The following PLAC1 variants were observed in gnomAD, a reference collection of about 807,000 sequenced individuals.
The protein encoded by PLAC1 is placenta-specific protein 1.
For synonymous variants in PLAC1, 68 were observed against 62.1 expected (o/e 1.09, Z -0.44); for missense variants, 136 against 163.2 (o/e 0.83, Z 0.91).
chrX:134,735,974 A>AAAG (rs1469320569), intron 1 of PLAC1, among the ~76,000 whole-genome samples: 3 of 109,229 alleles, frequency 2.7e-5, no homozygotes, highest in Non-Finnish European at 3.8e-5. Context: ...AAAAAAAAAA[A>AAAG]AAGAAGAAGA....
rs183086942 is a variant in PLAC1 at position 134,667,917 on chromosome X, C to A, written n.174+65518G>T. Among the ~76,000 whole-genome samples the A allele has an allele frequency of 5.3e-3, 575 of 107,615 alleles. 3 individuals carry two copies. Among genetic ancestry groups the A allele is most frequent in the Non-Finnish European group, 7.1e-3 (370 of 52,034 alleles). The allele number at this position is 107,615 out of a possible 115,157, so 93.5% of individuals were successfully genotyped here. A position where few individuals can be genotyped will look rare whatever the true frequency, so the allele number is the denominator to read the frequency against. On this transcript the variant is annotated intron_variant and non_coding_transcript_variant, in intron 2 of 2. Coordinates refer to the PLAC1 transcript ENST00000466797. ...CTCTAGCCTAAGTGACAGAACAAGA[C>A]CTTGTCTCAAAAAAAAAAAAAAAGT...
intron 1 of PLAC1, among the ~76,000 whole-genome samples, chrX:134,748,033 T>C (rs1023396249): frequency 4.5e-5 from 5 of 112,266 alleles, no homozygotes; most frequent in African/African-American, 1.6e-4. Context: ...CTTTTGTTTT[T>C]AAAGATACAG....
chrX:134,763,260 A>G (rs1010465428), intron 1 of PLAC1, among the ~76,000 whole-genome samples: 4 of 111,941 alleles, frequency 3.6e-5, no homozygotes, highest in Non-Finnish European at 7.5e-5. Flanking sequence ...AGACTACTTC[A>G]GTAGTCATGA....
intron 1 of PLAC1, among the ~76,000 whole-genome samples, chrX:134,610,452 G>A (rs2078147070): frequency 9.0e-6 from 1 of 111,183 alleles, no homozygotes; most frequent in Non-Finnish European, 1.9e-5. Flanking sequence ...GAAACTAGAT[G>A]AGAACAGTTT....
chrX:134,617,917 T>C (rs953865716), intron 1 of PLAC1, among the ~76,000 whole-genome samples: 1 of 112,451 alleles, frequency 8.9e-6, no homozygotes, highest in African/African-American at 3.2e-5. Context: ...GCTTGTATCA[T>C]TGCTGCAATA....
intron 2 of PLAC1, among the ~76,000 whole-genome samples, chrX:134,672,399 G>A (rs968238579): frequency 8.9e-6 from 1 of 111,830 alleles, no homozygotes; most frequent in African/African-American, 3.3e-5. Context: ...TGAAGCCTGA[G>A]TTCTCTTGTG....
chrX:134,761,246 T>C (rs2078769235), intron 1 of PLAC1, among the ~76,000 whole-genome samples: 1 of 111,790 alleles, frequency 8.9e-6, no homozygotes, highest in Non-Finnish European at 1.9e-5. Context: ...AAGAATGCAT[T>C]AGAAACTGAA....
intron 2 of PLAC1, among the ~76,000 whole-genome samples, chrX:134,576,355 G>A (rs894597495): frequency 6.4e-5 from 7 of 109,067 alleles, no homozygotes; most frequent in African/African-American, 2.3e-4. Flanking sequence ...TGGCCAATAT[G>A]GTAAAACCCT....
intron 1 of PLAC1, among the ~76,000 whole-genome samples, chrX:134,734,944 G>C (rs1484970177): frequency 9.0e-6 from 1 of 111,086 alleles, no homozygotes; most frequent in Non-Finnish European, 1.9e-5. Flanking sequence ...GATGGGGGGT[G>C]GTGGCTCCTG....
chrX:134,682,305 T>C (rs1293138328), intron 2 of PLAC1, among the ~76,000 whole-genome samples: 1 of 112,003 alleles, frequency 8.9e-6, no homozygotes, highest in Non-Finnish European at 1.9e-5. Context: ...TTAAACCGGA[T>C]TTAGTTTGTC....
At chrX:134,622,123 G>T (rs2078213870) in intron 1 of PLAC1, among the ~76,000 whole-genome samples, 1 of 112,112 alleles carries the variant, frequency 8.9e-6, no homozygotes, top group Non-Finnish European at 1.9e-5. Context: ...GCTTTGGGCT[G>T]TATCAGTTGG....
intron 1 of PLAC1, among the ~76,000 whole-genome samples, chrX:134,603,314 T>TATATATATATA (rs1184439848): frequency 9.7e-4 from 7 of 7,218 alleles, no homozygotes; most frequent in Non-Finnish European, 1.5e-3. Flanking sequence ...TATATATATA[T>TATATATATATA]TTTTTTTTTT....
At chrX:134,738,675 A>T (rs1273753470) in intron 1 of PLAC1, among the ~76,000 whole-genome samples, 8 of 112,398 alleles carry the variant, frequency 7.1e-5, no homozygotes, top group Non-Finnish European at 1.5e-4. Context: ...TTTCCCACTG[A>T]CCTTTCCAAA....
intron 2 of PLAC1, among the ~76,000 whole-genome samples, chrX:134,714,722 A>G (rs1389262487): frequency 9.0e-6 from 1 of 111,409 alleles, no homozygotes; most frequent in Admixed American, 9.5e-5. Context: ...TAGAAACTTC[A>G]TGTAAGTGGA....
At chrX:134,725,578 T>C (rs1004558155) in intron 2 of PLAC1, among the ~76,000 whole-genome samples, 4 of 112,246 alleles carry the variant, frequency 3.6e-5, no homozygotes, top group African/African-American at 1.3e-4. Flanking sequence ...ACTTTGAACA[T>C]CACTGATATA....
intron 1 of PLAC1, among the ~76,000 whole-genome samples, chrX:134,750,963 T>TTA (rs1245330486): frequency 3.4e-5 from 2 of 58,667 alleles, no homozygotes; most frequent in Non-Finnish European, 5.6e-5. Context: ...ATATATATAT[T>TTA]TATATATATA....
chrX:134,746,639 T>C (rs1215157817), intron 1 of PLAC1, among the ~76,000 whole-genome samples: 1 of 111,733 alleles, frequency 8.9e-6, no homozygotes, highest in Non-Finnish European at 1.9e-5. Context: ...TATCATATAT[T>C]ATAGATGATA....
chrX:134,586,356 C>T (rs1332924199), intron 2 of PLAC1, among the ~76,000 whole-genome samples: 3 of 111,879 alleles, frequency 2.7e-5, no homozygotes, highest in African/African-American at 9.8e-5. Flanking sequence ...CAAATACAAG[C>T]ACAGACTTCA....
At chrX:134,716,333 T>C (rs972420848) in intron 2 of PLAC1, among the ~76,000 whole-genome samples, 4 of 112,447 alleles carry the variant, frequency 3.6e-5, no homozygotes, top group African/African-American at 1.3e-4. Context: ...CCTGGGATGC[T>C]TGAAAAACTT....
Sources: gnomAD v4.1 joint callset for allele counts (sites outside exome capture counted in the v4.1 genomes callset) on GRCh38, gnomAD v4.1.1 for gene constraint, MANE v1.5 for transcripts, NCBI Gene and HGNC (gene_info 2026-07-23, HGNC 2026-07-21) for gene names.